Variants in SLC30A9 observed in about 807,000 individuals in gnomAD.
The protein encoded by SLC30A9 is proton-coupled zinc antiporter SLC30A9, mitochondrial.
SLC30A9 carries 58 observed loss-of-function variants against 87.5 expected under a neutral mutation model. The ratio of observed to expected loss-of-function variants is 0.66; its 90% CI spans 0.54 to 0.82. The LOEUF is 0.82. SLC30A9 is among the 40% of genes least tolerant of loss of function. The probability of loss-of-function intolerance (pLI) is 0.00; values close to 1 mark genes in which losing one functional copy is unlikely to be tolerated. For synonymous variants in SLC30A9, 234 were observed against 233.0 expected (o/e 1.00, Z -0.04); for missense variants, 557 against 679.1 (o/e 0.82, Z 2.00).
chr4:42,021,228 A>T (rs1293740457), intron 4 of SLC30A9, among the ~76,000 whole-genome samples: 1 of 152,212 alleles, frequency 6.6e-6, no homozygotes, highest in Non-Finnish European at 1.5e-5. Context: ...TTTGTGAATT[A>T]AGTGGATTAG....
At chr4:42,024,012 G>A (rs1344193284) in intron 6 of SLC30A9, among the ~76,000 whole-genome samples, 1 of 152,118 alleles carries the variant, frequency 6.6e-6, no homozygotes, top group Non-Finnish European at 1.5e-5. Context: ...CGGCACATGG[G>A]GATTATGGCT....
chr4:42,060,858 CA>C (rs917709170), intron 10 of SLC30A9, among the ~76,000 whole-genome samples: 12 of 151,702 alleles, frequency 7.9e-5, no homozygotes, highest in African/African-American at 2.9e-4. Context: ...ATCTTAAGAC[CA>C]AAAAAAGTGC....
chr4:42,014,384 A>G (rs1000013107), intron 2 of SLC30A9, among the ~76,000 whole-genome samples: 3 of 152,144 alleles, frequency 2.0e-5, no homozygotes, highest in African/African-American at 7.2e-5. Context: ...ATATTCCCAA[A>G]AGAAAGGAAA....
chr4:42,089,136 AGG>A lies in SLC30A9; in HGVS notation c.*3013_*3014del, dbSNP rs1465094099. On this transcript the variant is annotated 3_prime_UTR_variant, in exon 18 of 18. Transcript: ENST00000264451. ...TTACAAAAATAATACTGGACAGAGGAGGGGCAGTCAAGGGTCCATGATTGATT... is the reference window on the plus strand; with the variant it reads ...TTACAAAAATAATACTGGACAGAGGAGGCAGTCAAGGGTCCATGATTGATT... 6.6e-6 allele frequency: 1 copy of A among 152,176 alleles called. No individual in the cohort carries two copies. The highest frequency in any genetic ancestry group is 1.5e-5 in the Non-Finnish European group (1 of 68,026). 9.4% of individuals were successfully genotyped at this position (152,176 alleles called of 1,614,324 possible). A position where few individuals can be genotyped will look rare whatever the true frequency, so the allele number is the denominator to read the frequency against.
At chr4:42,029,974 A>T in intron 6 of SLC30A9, 2 of 908,186 alleles carry the variant, frequency 2.2e-6, no homozygotes, top group East Asian at 6.7e-5. Flanking sequence ...CAGCCCAAAT[A>T]CCTGCAGCCT....
chr4:42,068,053 C>T (rs1718153701), intron 14 of SLC30A9, among the ~76,000 whole-genome samples: 1 of 152,136 alleles, frequency 6.6e-6, no homozygotes, highest in Non-Finnish European at 1.5e-5. Context: ...ATTTAACTCA[C>T]CACCCCTACT....
intron 6 of SLC30A9, chr4:42,029,126 T>G: frequency 3.3e-6 from 1 of 303,442 alleles, no homozygotes; most frequent in Non-Finnish European, 6.8e-6. Flanking sequence ...CCAGAGACAA[T>G]GAGCAACACC....
chr4:42,021,366 A>G (rs1715942211), intron 4 of SLC30A9, among the ~76,000 whole-genome samples: 1 of 152,182 alleles, frequency 6.6e-6, no homozygotes, highest in Non-Finnish European at 1.5e-5. Context: ...GCTGATCCAT[A>G]CATTTTTACT....
intron 2 of SLC30A9, among the ~76,000 whole-genome samples, chr4:42,004,664 C>CTTTTTTTTT (rs71198699): frequency 1.6e-4 from 21 of 128,310 alleles, no homozygotes; most frequent in Admixed American, 3.4e-4. Context: ...TTTTCTTTTT[C>CTTTTTTTTT]TTTTTTTTTT....
chr4:42,060,511 A>T (rs937307992), intron 10 of SLC30A9, among the ~76,000 whole-genome samples: 19 of 152,174 alleles, frequency 1.2e-4, no homozygotes, highest in African/African-American at 4.1e-4. Flanking sequence ...ATAATAAAGC[A>T]CATATTTTGA....
At chr4:42,016,426 T>A in intron 2 of SLC30A9, among the ~76,000 whole-genome samples, 1 of 152,190 alleles carries the variant, frequency 6.6e-6, no homozygotes, top group East Asian at 1.9e-4. Flanking sequence ...CCTATCTCCA[T>A]TTGTCCTATG....
chr4:42,082,124 G>A (rs527969062), intron 17 of SLC30A9, among the ~76,000 whole-genome samples: 1 of 152,138 alleles, frequency 6.6e-6, no homozygotes, highest in East Asian at 1.9e-4. Flanking sequence ...GGCTGAGGCA[G>A]GAGAATGGCA....
Position 42,020,510 on chromosome 4 carries a change from A to T in SLC30A9, c.429A>T (p.Lys143Asn). 1 of 1,568,910 alleles carries T rather than the reference A, an allele frequency of 6.4e-7. No individual in the cohort carries two copies. Among genetic ancestry groups the T allele is most frequent in the East Asian group, 2.3e-5 (1 of 44,146 alleles). ...GAGCGATAAATGAGTTCTGCCTCAA[A>T]TCCAGGTAATTTTTTTAAAAAATGT... The part of the protein sequence containing the change: ...GVRAINEFCL[K>N]SSDLEQLRKI... The change falls in exon 4 of 18, where the codon AAA (lysine) becomes AAT (asparagine). Residue 143 changes from lysine (K) to asparagine (N), a missense_variant. This residue lies in a region of SLC30A9 where 467 missense variants were observed against 529.8 expected (regional missense o/e 0.88). Transcript: ENST00000264451.
intron 1 of SLC30A9, among the ~76,000 whole-genome samples, chr4:41,996,062 T>C (rs1714684708): frequency 6.6e-6 from 1 of 151,584 alleles, no homozygotes. Flanking sequence ...TAGGGTATGG[T>C]GGGGTGGTAT....
Position 42,060,664 on chromosome 4 carries a change from T to A in SLC30A9, c.896+418T>A, listed in dbSNP as rs185880911. On this transcript the variant is annotated intron_variant, in intron 10 of 17. Coordinates refer to ENST00000264451, the MANE Select transcript of SLC30A9 (RefSeq NM_006345.4). ...TCCTGTTGTGATTTGGAAATGTATT[T>A]TGTTAATATTTCAGAATTATTTATT... 2.0e-5 allele frequency among the ~76,000 whole-genome samples: 3 copies of A among 152,312 alleles called. No homozygotes were observed. The East Asian group carries it at 5.8e-4, about 29-fold the overall frequency.
In SLC30A9 at chr4:42,070,599, C is replaced by G. The variant is rs1211345468; in HGVS notation, c.1326C>G (p.Ile442Met). The change falls in exon 15 of 18, where the codon ATC becomes ATG. Residue 442 changes from isoleucine to methionine, a missense_variant. Ile to Met is a conservative substitution (Grantham distance 10). Coordinates refer to ENST00000264451, the MANE Select transcript of SLC30A9 (RefSeq NM_006345.4). The stretch of plus-strand genomic sequence containing the variant: ...TAGGCATGGTCTCAGCATTCCTCAT[C>G]TACACTAACACAGAAGCACTCTTAG... Reference protein sequence around the residue: ...TLLGMVSAFLIYTNTEALLGR... With the variant: ...TLLGMVSAFLMYTNTEALLGR... The G allele has an allele frequency of 3.1e-6, 5 of 1,613,850 alleles. No homozygotes were observed. The Middle Eastern group carries it at 4.9e-4, about 159-fold the overall frequency.
intron 9 of SLC30A9, among the ~76,000 whole-genome samples, chr4:42,051,306 C>T (rs1348249513): frequency 6.6e-6 from 1 of 152,102 alleles, no homozygotes; most frequent in African/African-American, 2.4e-5. Context: ...AGAACAAAGC[C>T]TCACATTCTT....
rs763694237 is a variant in SLC30A9, at chr4:42,078,338, C to A, written c.1662+13C>A. On this transcript the variant is annotated intron_variant, in intron 17 of 17. Transcript: ENST00000264451. The stretch of plus-strand genomic sequence containing the variant: ...GAAGGAACTGAAAGTAAGATGTATT[C>A]ATAAAAATAACATAATGATAATGGC... 1.5e-6 allele frequency: 2 copies of A among 1,291,234 alleles called. No homozygotes were observed. The highest frequency in any genetic ancestry group is 4.7e-5 in the East Asian group (2 of 42,724). The allele number at this position is 1,291,234 out of a possible 1,614,324, so 80.0% of individuals were successfully genotyped here.
intron 16 of SLC30A9, 116 bp downstream of exon 16, chr4:42,075,902 G>A: frequency 3.1e-6 from 3 of 983,100 alleles, no homozygotes; most frequent in Non-Finnish European, 4.4e-6. Context: ...CAACTTCTTA[G>A]GTTCCAAAAT....
Sources: allele counts gnomAD v4.1 joint callset (sites outside exome capture counted in the v4.1 genomes callset), GRCh38; gene constraint gnomAD v4.1.1; regional missense constraint gnomAD v4.1.1; transcripts MANE v1.5; gene names NCBI Gene and HGNC (gene_info 2026-07-23, HGNC 2026-07-21).